Variants in EXOSC7 observed in about 807,000 individuals in gnomAD.
The protein encoded by EXOSC7 is exosome component 7.
In EXOSC7, 25 loss-of-function variants were observed where a neutral mutation model predicts 34.3. The ratio of observed to expected loss-of-function variants is 0.73; its 90% confidence interval spans 0.53 to 1.02. EXOSC7 has a LOEUF of 1.02. Ranked by LOEUF, EXOSC7 falls within the 50% of genes least tolerant of loss-of-function variation. The pLI is 0.00. For missense variants in EXOSC7, 370 were observed against 368.5 expected (o/e 1.00, Z -0.03); for synonymous variants, 130 against 143.0 (o/e 0.91, Z 0.65).
chr3:44,999,534 C>G (rs979265952), intron 4 of EXOSC7, among the ~76,000 whole-genome samples: 43 of 151,984 alleles, frequency 2.8e-4, no homozygotes, highest in Admixed American at 1.3e-4. Context: ...ACTAAAAATA[C>G]AAAAATTAGC....
chr3:45,003,753 C>T (rs554922568), intron 5 of EXOSC7, among the ~76,000 whole-genome samples: 32 of 152,310 alleles, frequency 2.1e-4, no homozygotes, highest in African/African-American at 7.5e-4. Context: ...ACCTTCTGTA[C>T]CCCCATGCAA....
At chr3:45,010,233 T>C (rs1035343258) in intron 7 of EXOSC7, among the ~76,000 whole-genome samples, 5 of 152,152 alleles carry the variant, frequency 3.3e-5, no homozygotes, top group South Asian at 2.1e-4. Flanking sequence ...AAGAAAAATA[T>C]ATTTTTTTAT....
chr3:45,010,829 A>G (rs1437669490), intron 7 of EXOSC7, among the ~76,000 whole-genome samples: 2 of 152,180 alleles, frequency 1.3e-5, no homozygotes, highest in Non-Finnish European at 2.9e-5. Context: ...TTTCTTCTCC[A>G]GACAGACTCT....
chr3:44,980,873 C>G (rs1353335426), intron 1 of EXOSC7, among the ~76,000 whole-genome samples: 1 of 152,184 alleles, frequency 6.6e-6, no homozygotes, highest in Non-Finnish European at 1.5e-5. Context: ...TTTTGTCTTA[C>G]TAGTATCATA....
intron 3 of EXOSC7, among the ~76,000 whole-genome samples, chr3:44,992,775 G>A (rs946707491): frequency 5.3e-5 from 8 of 152,096 alleles, no homozygotes; most frequent in African/African-American, 1.9e-4. Flanking sequence ...GCCACTAGGC[G>A]GCGAGCCATC....
At chr3:45,007,311 C>T (rs1707075557) in intron 6 of EXOSC7, 109 bp from the exon 7 acceptor site, 1 of 1,111,274 alleles carries the variant, frequency 9.0e-7, no homozygotes, top group Non-Finnish European at 1.3e-6. Flanking sequence ...CCTGGAATGA[C>T]CAGTGCAAAT....
intron 3 of EXOSC7, among the ~76,000 whole-genome samples, chr3:44,990,256 TAATA>T (rs1706532885): frequency 6.7e-6 from 1 of 149,344 alleles, no homozygotes; most frequent in Non-Finnish European, 1.5e-5. Context: ...AAAATGAGGA[TAATA>T]AATAATACCA....
rs894943483 is a variant in EXOSC7 at position 45,007,663 on chromosome 3, C to G, written c.771+88C>G. 36 of 1,366,930 alleles carry G rather than the reference C, an allele frequency of 2.6e-5. No homozygotes were observed. The East Asian group carries it at 4.9e-4, about 19-fold the overall frequency. 84.7% of individuals were successfully genotyped at this position (1,366,930 alleles called of 1,614,324 possible). ...CCTTGGTCATACCGTGGGGATTCTCCCCATTCACAGCCTTGACCCCAAACT... is the reference window on the plus strand; with the variant it reads ...CCTTGGTCATACCGTGGGGATTCTCGCCATTCACAGCCTTGACCCCAAACT... On this transcript the variant is annotated intron_variant, in intron 7 of 7. Transcript: ENST00000265564.
chr3:45,006,431 A>C, intron 6 of EXOSC7, among the ~76,000 whole-genome samples: 1 of 105,890 alleles, frequency 9.4e-6, no homozygotes, highest in African/African-American at 3.6e-5. Context: ...TTTTTTTGAG[A>C]CAGAGTCTCG....
At chr3:44,999,410 C>T (rs1389408611) in intron 4 of EXOSC7, among the ~76,000 whole-genome samples, 6 of 152,108 alleles carry the variant, frequency 3.9e-5, no homozygotes, top group East Asian at 3.8e-4. Flanking sequence ...ATTTTCTGAC[C>T]GGGCACAGTG....
intron 5 of EXOSC7, chr3:45,004,569 G>A (rs112908196): frequency 1.5e-5 from 2 of 130,860 alleles, no homozygotes; most frequent in African/African-American, 2.8e-5. Context: ...TTTTTTTTTT[G>A]TTTTTTTTTT....
chr3:45,006,440 C>T lies in EXOSC7; in HGVS notation c.616-980C>T, dbSNP rs540019472. Among the ~76,000 whole-genome samples, 172 of 126,608 alleles carry T rather than the reference C, an allele frequency of 1.4e-3. 1 individual carries two copies. The highest frequency in any genetic ancestry group is 4.4e-3 in the African/African-American group (148 of 33,724). The allele number at this position is 126,608 out of a possible 152,430, so 83.1% of individuals were successfully genotyped here. The stretch of plus-strand genomic sequence containing the variant: ...TTTTTTTTTTTTTGAGACAGAGTCT[C>T]GCTCTGTCGCCCAGGCCGGACTGCG... On this transcript the variant is annotated intron_variant, in intron 6 of 7. Transcript: ENST00000265564.
At chr3:44,988,973 G>A (rs1706493600) in intron 1 of EXOSC7, among the ~76,000 whole-genome samples, 167 bp from the exon 2 acceptor site, 1 of 152,162 alleles carries the variant, frequency 6.6e-6, no homozygotes, top group Non-Finnish European at 1.5e-5. Flanking sequence ...TTCCTCATAT[G>A]TAAAATAGTA....
At chr3:45,002,325 G>A (rs931789265) in intron 5 of EXOSC7, 3 of 151,946 alleles carry the variant, frequency 2.0e-5, no homozygotes, top group Non-Finnish European at 4.4e-5. Flanking sequence ...TAAAAAACGA[G>A]GATTAGAAAC....
At chr3:45,003,404 A>G (rs1706942373) in intron 5 of EXOSC7, among the ~76,000 whole-genome samples, 1 of 151,980 alleles carries the variant, frequency 6.6e-6, no homozygotes, top group Admixed American at 6.6e-5. Context: ...CAAATAGGAT[A>G]TTACTTAGTA....
intron 1 of EXOSC7, among the ~76,000 whole-genome samples, chr3:44,988,106 C>T (rs1434619841): frequency 6.6e-6 from 1 of 152,146 alleles, no homozygotes; most frequent in Admixed American, 6.5e-5. Flanking sequence ...TACCATTCCC[C>T]AATAAAAGCA....
At chr3:44,995,323 T>C (rs1242165337) in intron 3 of EXOSC7, among the ~76,000 whole-genome samples, 2 of 152,130 alleles carry the variant, frequency 1.3e-5, no homozygotes, top group East Asian at 3.9e-4. Context: ...ATTTAGACAG[T>C]TGGACCTGGG....
chr3:44,989,755 C>CAAATG, intron 3 of EXOSC7, 111 bp downstream of exon 3: 1 of 805,438 alleles, frequency 1.2e-6, no homozygotes, highest in Non-Finnish European at 2.0e-6. Flanking sequence ...TATCATTCAG[C>CAAATG]CATCCAGCAG....
chr3:44,987,935 T>A (rs1360196793), intron 1 of EXOSC7, among the ~76,000 whole-genome samples: 1 of 152,258 alleles, frequency 6.6e-6, no homozygotes, highest in African/African-American at 2.4e-5. Flanking sequence ...CTTGGCTTTT[T>A]AATAGATATG....
Sources: allele counts gnomAD v4.1 joint callset (sites outside exome capture counted in the v4.1 genomes callset), GRCh38; gene constraint gnomAD v4.1.1; transcripts MANE v1.5; gene names NCBI Gene and HGNC (gene_info 2026-07-23, HGNC 2026-07-21).